PCDHA9: variants seen among roughly 807,000 people sequenced by gnomAD.
The protein encoded by PCDHA9 is protocadherin alpha-9.
In PCDHA9, 62 loss-of-function variants were observed where a neutral mutation model predicts 62.0. The observed-to-expected ratio is 1.00, with a 90% confidence interval of 0.81 to 1.23. PCDHA9 has a LOEUF of 1.23. PCDHA9 is among the 50% of genes most tolerant of loss of function. The pLI, the probability that PCDHA9 is intolerant of heterozygous loss-of-function variation, is 0.00. For missense variants in PCDHA9, 1,205 were observed against 1,249.8 expected, an observed-to-expected ratio of 0.96 and a Z score of 0.54; for synonymous variants, 557 against 567.6, an observed-to-expected ratio of 0.98 and a Z score of 0.27.
At chr5:140,929,386 GAA>G in intron 1 of PCDHA9, 1 of 1,511,328 alleles carries the variant, frequency 6.6e-7, no homozygotes, top group Non-Finnish European at 8.9e-7. Context: ...GCTGTGTTTT[GAA>G]ATATTTCTTA....
At chr5:140,901,674 G>C (rs1387047115) in intron 1 of PCDHA9, among the ~76,000 whole-genome samples, 5 of 152,034 alleles carry the variant, frequency 3.3e-5, no homozygotes, top group African/African-American at 9.7e-5. Flanking sequence ...GATACCTTTA[G>C]GTATTATGGG....
intron 1 of PCDHA9, chr5:140,881,353 G>C (rs537796043): frequency 1.0e-6 from 1 of 985,060 alleles, no homozygotes; most frequent in African/African-American, 1.7e-5. Flanking sequence ...GCTACAATGC[G>C]TGGCTTTCGT....
intron 1 of PCDHA9, among the ~76,000 whole-genome samples, chr5:140,961,529 T>C (rs1208334511): frequency 2.6e-5 from 4 of 152,244 alleles, no homozygotes; most frequent in Admixed American, 1.3e-4. Flanking sequence ...AAATTCTAGA[T>C]AGACTGTTCC....
chr5:140,952,743 C>T lies in PCDHA9; in HGVS notation c.2395-26206C>T, dbSNP rs146786879. Reference sequence around the variant, plus strand: ...TCTGTACTAGTCTTTTCTCACACTGCTATAAAAACACCTGAGACTGGATAA... The same window carrying T: ...TCTGTACTAGTCTTTTCTCACACTGTTATAAAAACACCTGAGACTGGATAA... On this transcript the variant is annotated intron_variant, in intron 1 of 3. Coordinates refer to ENST00000532602, the MANE Select transcript of PCDHA9 (RefSeq NM_031857.2). 8.6e-3 allele frequency among the ~76,000 whole-genome samples: 1,316 copies of T among 152,264 alleles called. 10 individuals are homozygous for T. Among genetic ancestry groups the T allele is most frequent in the Middle Eastern group, 0.014 (4 of 294 alleles).
chr5:140,900,271 G>A (rs1055315411), intron 1 of PCDHA9, among the ~76,000 whole-genome samples: 2 of 151,762 alleles, frequency 1.3e-5, no homozygotes, highest in Non-Finnish European at 2.9e-5. Flanking sequence ...TTGTGTATAT[G>A]TACCACACTT....
intron 3 of PCDHA9, among the ~76,000 whole-genome samples, chr5:141,005,701 CAAAA>C (rs59860837): frequency 2.6e-4 from 2 of 7,790 alleles, no homozygotes; most frequent in African/African-American, 4.7e-4. Flanking sequence ...AACTCCGTCT[CAAAA>C]AAAAAAAAAA....
intron 1 of PCDHA9, chr5:140,882,688 A>G: frequency 1.2e-6 from 2 of 1,614,196 alleles, no homozygotes; most frequent in Non-Finnish European, 8.5e-7. Flanking sequence ...AGAAACGAAT[A>G]ATCATTGCAG....
At chr5:140,876,315 C>T in intron 1 of PCDHA9, 1 of 1,613,958 alleles carries the variant, frequency 6.2e-7, no homozygotes, top group South Asian at 1.1e-5. Flanking sequence ...CCTATGGGAT[C>T]AAAATGATTT....
chr5:140,857,359 G>A lies in PCDHA9; in HGVS notation c.2394+6470G>A, dbSNP rs200721411. The A allele has an allele frequency of 2.9e-5, 46 of 1,598,282 alleles. 7 individuals carry two copies. The highest frequency in any genetic ancestry group is 3.8e-5 in the Non-Finnish European group (44 of 1,167,900). ...GGGGCTCGCCTCCGCTGTGGGCCAC[G>A]GCCAGCGTGTCTGTGGAGGTGGCCG... On this transcript the variant is annotated intron_variant, in intron 1 of 3. Coordinates refer to ENST00000532602, the MANE Select transcript of PCDHA9 (RefSeq NM_031857.2).
rs1563186680 is a variant in PCDHA9 at position 140,941,223 on chromosome 5, C to CTTTCTT, written c.2395-37724_2395-37719dup. Among the ~76,000 whole-genome samples the CTTTCTT allele has an allele frequency of 6.9e-4, 92 of 132,548 alleles. 1 individual carries two copies. The highest frequency in any genetic ancestry group is 2.7e-3 in the African/African-American group (88 of 33,182). The allele number at this position is 132,548 out of a possible 152,430, so 87.0% of individuals were successfully genotyped here. A position where few individuals can be genotyped will look rare whatever the true frequency, so the allele number is the denominator to read the frequency against. ...TCTTCCTTTCTTTCTTCCTTTCTTT[C>CTTTCTT]TTTCTTTCTTTCTTTCTTTCTTTCT... On this transcript the variant is annotated intron_variant, in intron 1 of 3. Coordinates refer to ENST00000532602, the MANE Select transcript of PCDHA9 (RefSeq NM_031857.2).
At chr5:140,991,648 A>G (rs2097463830) in intron 3 of PCDHA9, among the ~76,000 whole-genome samples, 1 of 152,192 alleles carries the variant, frequency 6.6e-6, no homozygotes, top group Non-Finnish European at 1.5e-5. Context: ...GTTCATGACA[A>G]TTTAGGTTTG....
rs1231696084 is a variant in PCDHA9 at position 140,858,276 on chromosome 5, T to C, written c.2394+7387T>C. The C allele has an allele frequency of 3.1e-6, 5 of 1,594,740 alleles. No individual in the cohort carries two copies. The highest frequency in any genetic ancestry group is 4.3e-6 in the Non-Finnish European group (5 of 1,166,444). On this transcript the variant is annotated intron_variant, in intron 1 of 3. Coordinates refer to ENST00000532602, the MANE Select transcript of PCDHA9 (RefSeq NM_031857.2). ...CCCACGCTGGTGTGCTCTAGCGCGGTGGGGAGCTGGTCTTACTCGCAGCAG... is the reference window on the plus strand; with the variant it reads ...CCCACGCTGGTGTGCTCTAGCGCGGCGGGGAGCTGGTCTTACTCGCAGCAG...
chr5:140,929,646 A>G (rs868995130), intron 1 of PCDHA9: 1 of 365,824 alleles, frequency 2.7e-6, no homozygotes, highest in Non-Finnish European at 5.0e-6. Flanking sequence ...TGTGTAAGGC[A>G]CTCTAATATT....
intron 1 of PCDHA9, chr5:140,871,583 T>C (rs782012993): frequency 2.0e-6 from 3 of 1,468,262 alleles, no homozygotes; most frequent in Non-Finnish European, 9.0e-7. Flanking sequence ...TAAGGGAAAG[T>C]TTTATGAATA....
chr5:140,851,068 A>G lies in PCDHA9; in HGVS notation c.2394+179A>G, dbSNP rs563336540. ...CGACTTTGTCTTGACTTCTAGTGAG[A>G]ATTATAAACTGTATATTAAATAGAT... On this transcript the variant is annotated intron_variant, in intron 1 of 3. Transcript: ENST00000532602. The G allele has an allele frequency of 1.3e-4, 170 of 1,354,166 alleles. 16 individuals carry two copies. Among genetic ancestry groups the G allele is most frequent in the Middle Eastern group, 2.2e-4 (1 of 4,590 alleles). 83.9% of individuals were successfully genotyped at this position (1,354,166 alleles called of 1,614,324 possible).
chr5:140,929,324 T>A (rs781810168), intron 1 of PCDHA9: 1 of 1,540,130 alleles, frequency 6.5e-7, no homozygotes, highest in African/African-American at 1.4e-5. Flanking sequence ...GTCAATGCCA[T>A]GGTAAGCAAA....
At chr5:140,853,592 T>A in intron 1 of PCDHA9, 2 of 987,050 alleles carry the variant, frequency 2.0e-6, no homozygotes, top group Non-Finnish European at 1.2e-6. Context: ...TTAGACACTT[T>A]GAGAGCAAAG....
Position 140,856,651 on chromosome 5 carries a change from T to C in PCDHA9, c.2394+5762T>C, listed in dbSNP as rs1284108605. 10 of 1,598,112 alleles carry C rather than the reference T, an allele frequency of 6.3e-6. 1 individual carries two copies. The highest frequency in any genetic ancestry group is 6.9e-6 in the Non-Finnish European group (8 of 1,167,692). ...TTGTTCTGCGGAAGCTGCTGGATCG[T>C]GAAGAAAATCCTCAGCTAAAGTTGT... is the stretch of plus-strand genomic sequence containing the variant. On this transcript the variant is annotated intron_variant, in intron 1 of 3. Coordinates refer to ENST00000532602, the MANE Select transcript of PCDHA9 (RefSeq NM_031857.2).
rs558780713 is a variant in PCDHA9, at chr5:140,870,170, T to C, written c.2394+19281T>C. ...GAAGTCGCCGTGACTTCCTTGTCCCTCCCAGTACGAGAGGACGCTCAGCCC... is the reference window on the plus strand; with the variant it reads ...GAAGTCGCCGTGACTTCCTTGTCCCCCCCAGTACGAGAGGACGCTCAGCCC... On this transcript the variant is annotated intron_variant, in intron 1 of 3. Coordinates refer to ENST00000532602, the MANE Select transcript of PCDHA9 (RefSeq NM_031857.2). 8 of 1,614,100 alleles carry C rather than the reference T, an allele frequency of 5.0e-6. No homozygotes were observed. In the Admixed American group the frequency reaches 1.0e-4, roughly 20 times the overall value.
Sources: gnomAD v4.1 joint callset for allele counts (sites outside exome capture counted in the v4.1 genomes callset) on GRCh38, gnomAD v4.1.1 for gene constraint, MANE v1.5 for transcripts, NCBI Gene and HGNC (gene_info 2026-07-23, HGNC 2026-07-21) for gene names.